Variants in GRID1 observed in about 807,000 individuals in gnomAD.
GRID1 encodes the protein glutamate receptor ionotropic, delta-1.
Under a neutral mutation model 98.0 loss-of-function variants are expected in GRID1, and 28 were observed. That is an observed-to-expected ratio of 0.29 (90% CI 0.21 to 0.39). The LOEUF is 0.39. Among genes scored for constraint, GRID1 ranks in the 10% least tolerant of loss-of-function variants. The probability of loss-of-function intolerance (pLI) is 1.00; values close to 1 mark genes in which losing one functional copy is unlikely to be tolerated. For synonymous variants in GRID1, 553 were observed against 538.5 expected, an observed-to-expected ratio of 1.03 and a Z score of -0.37; for missense variants, 1,111 against 1,340.5, an observed-to-expected ratio of 0.83 and a Z score of 2.67.
chr10:86,333,930 C>A (rs1252281909), intron 2 of GRID1, among the ~76,000 whole-genome samples: 1 of 152,156 alleles, frequency 6.6e-6, no homozygotes, highest in Non-Finnish European at 1.5e-5. Context: ...CAAACCAATG[C>A]TGTTTAAGGG....
At chr10:85,979,567 G>A (rs1471780687) in intron 4 of GRID1, among the ~76,000 whole-genome samples, 1 of 152,122 alleles carries the variant, frequency 6.6e-6, no homozygotes, top group Non-Finnish European at 1.5e-5. Context: ...CTCTGTGTAT[G>A]TCCTGAATAC....
At chr10:85,936,457 T>C (rs1841926727) in intron 4 of GRID1, among the ~76,000 whole-genome samples, 3 of 152,164 alleles carry the variant, frequency 2.0e-5, no homozygotes, top group Admixed American at 2.0e-4. Context: ...ATCCATTATG[T>C]TGTTCTATGT....
chr10:85,995,507 A>G (rs775814801), intron 4 of GRID1, among the ~76,000 whole-genome samples: 2 of 152,236 alleles, frequency 1.3e-5, no homozygotes, highest in African/African-American at 4.8e-5. Flanking sequence ...AACACTGACT[A>G]GGTGTAATGG....
intron 4 of GRID1, among the ~76,000 whole-genome samples, chr10:86,014,614 A>T: frequency 6.6e-6 from 1 of 152,212 alleles, no homozygotes; most frequent in South Asian, 2.1e-4. Context: ...GGAAAAGCAG[A>T]TTTAGGCATA....
Position 86,365,227 on chromosome 10 carries a change from C to A in GRID1, c.79+1087G>T, listed in dbSNP as rs1445410053. ...GCTCTCCGAGCCCAGGCCTAGTCCT[C>A]ACCACCCCACTCCACCACCCACCCT... On this transcript the variant is annotated intron_variant, in intron 1 of 15. Coordinates refer to ENST00000327946, the MANE Select transcript of GRID1 (RefSeq NM_017551.3). This position sits in a 1 kb window ranked among gnomAD's most constrained non-coding sequence, Gnocchi z 4.8. Among the ~76,000 whole-genome samples, 1 of 152,158 alleles carries A rather than the reference C, an allele frequency of 6.6e-6. No homozygotes were observed. The highest frequency in any genetic ancestry group is 1.5e-5 in the Non-Finnish European group (1 of 68,024).
At chr10:85,608,241 A>G (rs757589402) in intron 15 of GRID1, among the ~76,000 whole-genome samples, 4 of 152,158 alleles carry the variant, frequency 2.6e-5, no homozygotes, top group Non-Finnish European at 5.9e-5. Context: ...GTTGGCATAA[A>G]TCAGTGGTTT....
intron 4 of GRID1, among the ~76,000 whole-genome samples, chr10:86,043,752 T>G (rs1206048269): frequency 6.6e-6 from 1 of 152,220 alleles, no homozygotes; most frequent in East Asian, 1.9e-4. Context: ...TCTTCTCACA[T>G]CCTCCATTTG....
At chr10:85,867,516 C>T (rs1364743087) in intron 6 of GRID1, among the ~76,000 whole-genome samples, 1 of 152,208 alleles carries the variant, frequency 6.6e-6, no homozygotes, top group Non-Finnish European at 1.5e-5. Context: ...TTGTTTAAGG[C>T]CATTTCCACC....
At chr10:86,147,017 G>A (rs536347948) in intron 3 of GRID1, among the ~76,000 whole-genome samples, 23 of 152,352 alleles carry the variant, frequency 1.5e-4, no homozygotes, top group Admixed American at 1.2e-3. Context: ...CCCCATCATA[G>A]GGTGACAAGG....
intron 12 of GRID1, among the ~76,000 whole-genome samples, chr10:85,719,772 C>A (rs1421036492): frequency 6.6e-6 from 1 of 152,090 alleles, no homozygotes; most frequent in Non-Finnish European, 1.5e-5. Flanking sequence ...CAGCCTATGC[C>A]TCAAACTTCA....
At chr10:86,167,688 C>T (rs1280892032) in intron 3 of GRID1, among the ~76,000 whole-genome samples, 1 of 152,204 alleles carries the variant, frequency 6.6e-6, no homozygotes, top group East Asian at 1.9e-4. Flanking sequence ...TTGCTGCCTT[C>T]CTGCCCCACC....
At chr10:86,028,482 G>T (rs1044604084) in intron 4 of GRID1, among the ~76,000 whole-genome samples, 2 of 152,154 alleles carry the variant, frequency 1.3e-5, no homozygotes, top group African/African-American at 4.8e-5. Context: ...AACAAAACAG[G>T]TATCTGTTAT....
At chr10:86,336,905 C>T (rs1232399644) in intron 2 of GRID1, among the ~76,000 whole-genome samples, 1 of 146,364 alleles carries the variant, frequency 6.8e-6, no homozygotes, top group East Asian at 2.1e-4. Flanking sequence ...AGTGCAGTGG[C>T]GCGATCTCGG....
At chr10:85,626,781 T>G (rs1054130390) in intron 13 of GRID1, among the ~76,000 whole-genome samples, 1 of 152,184 alleles carries the variant, frequency 6.6e-6, no homozygotes, top group African/African-American at 2.4e-5. Context: ...CATGCCAAAT[T>G]GTAAGATTCA....
chr10:85,737,921 T>A (rs1034378642), intron 8 of GRID1, among the ~76,000 whole-genome samples: 1 of 151,508 alleles, frequency 6.6e-6, no homozygotes, highest in Non-Finnish European at 1.5e-5. Context: ...AGAGCATGGA[T>A]CAAAAGCAGG....
Position 85,723,325 on chromosome 10 carries a change from G to C in GRID1, c.1859-184C>G, listed in dbSNP as rs111665383. Among the ~76,000 whole-genome samples the C allele has an allele frequency of 6.7e-3, 1,014 of 152,254 alleles. 10 individuals carry two copies. Among genetic ancestry groups the C allele is most frequent in the African/African-American group, 0.022 (907 of 41,554 alleles). On this transcript the variant is annotated intron_variant, in intron 11 of 15. Coordinates refer to ENST00000327946, the MANE Select transcript of GRID1 (RefSeq NM_017551.3). Reference sequence around the variant, plus strand: ...TCTGGGATAGGATCCTAAAACCATGGATCTTGGACAAGGGCAGAGGACCAC... The same window carrying C: ...TCTGGGATAGGATCCTAAAACCATGCATCTTGGACAAGGGCAGAGGACCAC...
intron 4 of GRID1, among the ~76,000 whole-genome samples, chr10:86,079,677 G>A (rs548490039): frequency 3.9e-5 from 6 of 152,230 alleles, no homozygotes; most frequent in African/African-American, 7.2e-5. Flanking sequence ...CTGGGCCTCC[G>A]TGTCCTCCTC....
chr10:85,621,520 T>G (rs1842859750), intron 13 of GRID1, among the ~76,000 whole-genome samples: 1 of 152,160 alleles, frequency 6.6e-6, no homozygotes, highest in African/African-American at 2.4e-5. Context: ...AAGTTCTCCA[T>G]TAGAAGGATT....
At chr10:86,162,402 C>T (rs1332753931) in intron 3 of GRID1, among the ~76,000 whole-genome samples, 3 of 152,158 alleles carry the variant, frequency 2.0e-5, no homozygotes, top group Admixed American at 6.5e-5. Context: ...TCCCAGCCAC[C>T]CAAAGCCCAG....
Sources: gnomAD v4.1 joint callset for allele counts (sites outside exome capture counted in the v4.1 genomes callset) on GRCh38, gnomAD v4.1.1 for gene constraint, Gnocchi (gnomAD v3.1) non-coding constraint, MANE v1.5 for transcripts, NCBI Gene and HGNC (gene_info 2026-07-23, HGNC 2026-07-21) for gene names.